The following RAP1GAP2 variants were observed in gnomAD, a reference collection of about 807,000 sequenced individuals.
RAP1GAP2 encodes RAP1 GTPase activating protein 2, also known as rap1 GTPase-activating protein 2.
In RAP1GAP2, 27 loss-of-function variants were observed where a neutral mutation model predicts 95.0. That is an observed-to-expected ratio of 0.28 (90% CI 0.21 to 0.39). The LOEUF (loss-of-function observed/expected upper bound fraction) is 0.39. RAP1GAP2 is among the 10% of genes least tolerant of loss of function. The pLI, the probability that RAP1GAP2 is intolerant of heterozygous loss-of-function variation, is 1.00. For missense variants in RAP1GAP2, 771 were observed against 970.0 expected (o/e 0.79, Z 2.72); for synonymous variants, 373 against 380.9 (o/e 0.98, Z 0.24).
At chr17:2,995,763 G>A (rs1200943250) in intron 13 of RAP1GAP2, among the ~76,000 whole-genome samples, 1 of 152,138 alleles carries the variant, frequency 6.6e-6, no homozygotes, top group Admixed American at 6.5e-5. Flanking sequence ...AGCCCATGGT[G>A]GTGACAAGAC....
intron 2 of RAP1GAP2, among the ~76,000 whole-genome samples, chr17:2,897,138 A>G (rs1166090044): frequency 6.6e-6 from 1 of 152,016 alleles, no homozygotes; most frequent in Non-Finnish European, 1.5e-5. Context: ...GGAGTTCGAG[A>G]CCAGCCTGGC....
At chr17:2,876,031 G>A (rs894240565) in intron 2 of RAP1GAP2, among the ~76,000 whole-genome samples, 3 of 151,050 alleles carry the variant, frequency 2.0e-5, no homozygotes, top group South Asian at 2.1e-4. Flanking sequence ...TCCGCCCCCC[G>A]GGTTCACGCC....
Position 3,034,009 on chromosome 17 carries a change from T to G in RAP1GAP2, c.*648T>G, listed in dbSNP as rs2047405152. 1 of 152,978 alleles carries G rather than the reference T, an allele frequency of 6.5e-6. No individual in the cohort carries two copies. The highest frequency in any genetic ancestry group is 1.5e-5 in the Non-Finnish European group (1 of 68,660). The allele number at this position is 152,978 out of a possible 1,614,324, so 9.5% of individuals were successfully genotyped here. On this transcript the variant is annotated 3_prime_UTR_variant, in exon 25 of 25. Coordinates refer to ENST00000254695, the MANE Select transcript of RAP1GAP2 (RefSeq NM_015085.5). This position sits in a 1 kb window ranked among gnomAD's most constrained non-coding sequence, Gnocchi z 5.1. The stretch of plus-strand genomic sequence containing the variant: ...CGTAGGCCCAGGGCTGCCCTGCCCC[T>G]GCTGCCAGTGTACCGTGAGCGGGGC...
intron 1 of RAP1GAP2, among the ~76,000 whole-genome samples, chr17:2,780,196 G>A (rs186764748): frequency 1.1e-4 from 16 of 152,274 alleles, no homozygotes; most frequent in East Asian, 1.9e-4. Flanking sequence ...GATTACAGGC[G>A]TGCGCCACCA....
chr17:2,846,284 G>T lies in RAP1GAP2; in HGVS notation c.80+45734G>T, dbSNP rs115448058. ...CTTTCACTTAGATCTTGCTTTTGAG[G>T]TGCTTCCTTGTTGTTGCATGTGTCC... On this transcript the variant is annotated intron_variant, in intron 2 of 24. Coordinates refer to ENST00000254695, the MANE Select transcript of RAP1GAP2 (RefSeq NM_015085.5). Among the ~76,000 whole-genome samples, 1,306 of 152,156 alleles carry T rather than the reference G, an allele frequency of 8.6e-3. 14 individuals carry two copies. The highest frequency in any genetic ancestry group is 0.03 in the African/African-American group (1,228 of 41,496).
chr17:2,970,414 A>G (rs1007881004), intron 8 of RAP1GAP2, among the ~76,000 whole-genome samples: 12 of 152,170 alleles, frequency 7.9e-5, no homozygotes, highest in African/African-American at 2.9e-4. Context: ...TTCTCAGATG[A>G]GATAGCTAGG....
At position 2,865,390 on chromosome 17, in the gene RAP1GAP2, G is replaced by A. The variant is rs2072578680; in HGVS notation, c.81-39894G>A. Among the ~76,000 whole-genome samples the A allele has an allele frequency of 2.0e-5, 3 of 152,190 alleles. No homozygotes were observed. In the South Asian group the frequency reaches 6.2e-4, roughly 32 times the overall value. ...ATGCTTAGCCTGAGCTAAGGGGAGG[G>A]TGGAGCCTAGAGCAGGGAAAGGTCT... is the stretch of plus-strand genomic sequence containing the variant. On this transcript the variant is annotated intron_variant, in intron 2 of 24. Coordinates refer to ENST00000254695, the MANE Select transcript of RAP1GAP2 (RefSeq NM_015085.5).
intron 2 of RAP1GAP2, among the ~76,000 whole-genome samples, chr17:2,822,185 A>G (rs928251470): frequency 4.6e-5 from 7 of 151,840 alleles, no homozygotes; most frequent in Non-Finnish European, 7.4e-5. Context: ...GCATTCACGC[A>G]CACACACACA....
intron 2 of RAP1GAP2, among the ~76,000 whole-genome samples, chr17:2,822,517 C>T (rs2070346917): frequency 1.3e-5 from 2 of 151,542 alleles, no homozygotes; most frequent in African/African-American, 4.9e-5. Flanking sequence ...GTCTCAGCTA[C>T]TTGGGAGTCA....
intron 1 of RAP1GAP2, among the ~76,000 whole-genome samples, chr17:2,777,626 A>G (rs1194089910): frequency 6.6e-6 from 1 of 152,122 alleles, no homozygotes; most frequent in African/African-American, 2.4e-5. Flanking sequence ...TGGACCTGGG[A>G]GCTGGCTGAG....
chr17:2,769,697 C>A (rs1466316510), intron 1 of RAP1GAP2, among the ~76,000 whole-genome samples: 1 of 152,210 alleles, frequency 6.6e-6, no homozygotes, highest in African/African-American at 2.4e-5. Flanking sequence ...TGTGTGTCCT[C>A]TGCTTACATA....
upstream of RAP1GAP2, among the ~76,000 whole-genome samples, chr17:2,774,760 C>T (rs2068461174): frequency 6.6e-6 from 1 of 151,470 alleles, no homozygotes; most frequent in African/African-American, 2.4e-5. Context: ...TGTGAGCTAC[C>T]ATGCCCAGCC....
intron 4 of RAP1GAP2, among the ~76,000 whole-genome samples, chr17:2,958,392 C>T (rs764387707): frequency 1.3e-5 from 2 of 152,006 alleles, no homozygotes; most frequent in Non-Finnish European, 2.9e-5. Context: ...TCACCAGGGT[C>T]AGGGCTCCCA....
intron 1 of RAP1GAP2, among the ~76,000 whole-genome samples, chr17:2,777,514 G>A (rs2068530748): frequency 6.6e-6 from 1 of 152,160 alleles, no homozygotes; most frequent in African/African-American, 2.4e-5. Context: ...GTGTGGGGGT[G>A]CCGGCCCTGA....
intron 17 of RAP1GAP2, among the ~76,000 whole-genome samples, chr17:3,010,546 T>C (rs1375242471): frequency 1.3e-5 from 2 of 152,082 alleles, no homozygotes; most frequent in Non-Finnish European, 2.9e-5. Flanking sequence ...TGGTGCCCAA[T>C]GGAGGAGGTG....
chr17:2,898,780 C>T (rs983558421), intron 2 of RAP1GAP2, among the ~76,000 whole-genome samples: 4 of 152,226 alleles, frequency 2.6e-5, no homozygotes, highest in African/African-American at 7.2e-5. Context: ...GTTTTTGCAG[C>T]GTACCAGGCA....
intron 3 of RAP1GAP2, among the ~76,000 whole-genome samples, chr17:2,918,948 C>T (rs1038500836): frequency 3.9e-5 from 6 of 152,118 alleles, no homozygotes; most frequent in Non-Finnish European, 7.4e-5. Context: ...CTCCAAAAAA[C>T]TTTGTTTCTG....
rs1339240306 is a variant in RAP1GAP2 at position 3,029,221 on chromosome 17, G to C, written c.2108-1701G>C. Among the ~76,000 whole-genome samples, 1 of 152,224 alleles carries C rather than the reference G, an allele frequency of 6.6e-6. No individual in the cohort carries two copies. The highest frequency in any genetic ancestry group is 1.5e-5 in the Non-Finnish European group (1 of 68,036). On this transcript the variant is annotated intron_variant, in intron 22 of 24. Coordinates refer to ENST00000254695, the MANE Select transcript of RAP1GAP2 (RefSeq NM_015085.5). This position sits in a 1 kb window ranked among gnomAD's most constrained non-coding sequence, Gnocchi z 4.4. ...GTTAAATAAACGTCAAAGTAAGGAA[G>C]GTTTTGAGTAAAGGAATTAGAGAGT... is the stretch of plus-strand genomic sequence containing the variant.
rs1030009880 is a variant in RAP1GAP2 at position 3,005,078 on chromosome 17, G to T, written c.1201-291G>T. Among the ~76,000 whole-genome samples, 1 of 152,090 alleles carries T rather than the reference G, an allele frequency of 6.6e-6. No individual in the cohort carries two copies. Among genetic ancestry groups the T allele is most frequent in the African/African-American group, 2.4e-5 (1 of 41,404 alleles). ...GAGGTCACGAGATGCCATCTCCCGG[G>T]CACTTGTATGGCATTAAAATTAGGG... On this transcript the variant is annotated intron_variant, in intron 14 of 24. Transcript: ENST00000254695. The surrounding 1 kb of genome is among the most constrained non-coding windows in gnomAD (Gnocchi z 5.2).
Sources: gnomAD v4.1 joint callset for allele counts (sites outside exome capture counted in the v4.1 genomes callset) on GRCh38, gnomAD v4.1.1 for gene constraint, Gnocchi (gnomAD v3.1) non-coding constraint, MANE v1.5 for transcripts, NCBI Gene and HGNC (gene_info 2026-07-23, HGNC 2026-07-21) for gene names.